Variants in NCAPH observed in about 807,000 individuals in gnomAD.
NCAPH encodes the protein condensin complex subunit 2.
NCAPH carries 38 observed loss-of-function variants against 85.5 expected under a neutral mutation model. That is an observed-to-expected ratio of 0.44 (90% CI 0.34 to 0.58). NCAPH has a LOEUF of 0.58. NCAPH is among the 20% of genes least tolerant of loss of function. NCAPH has a pLI of 0.01. For synonymous variants in NCAPH, 301 were observed against 335.1 expected (o/e 0.90, Z 1.11); for missense variants, 789 against 916.6 (o/e 0.86, Z 1.80).
At position 96,361,782 on chromosome 2, in the gene NCAPH, ACACATATATATGTATATATATGTG is replaced by A. The variant is rs1558800214; in HGVS notation, c.1587+1073_1587+1096del. On this transcript the variant is annotated intron_variant, in intron 12 of 17. Transcript: ENST00000240423. ...TATATATATATACATATATATATAT[ACACATATATATGTATATATATGTG>A]TATATATATATATATATATATATTT... Among the ~76,000 whole-genome samples the A allele has an allele frequency of 4.1e-4, 54 of 131,056 alleles. No individual in the cohort carries two copies. In the South Asian group the frequency reaches 5.4e-3, roughly 13 times the overall value. The allele number at this position is 131,056 out of a possible 152,430, so 86.0% of individuals were successfully genotyped here.
At chr2:96,369,659 G>A (rs1234738653) in intron 17 of NCAPH, 159 bp downstream of exon 17, 1 of 261,096 alleles carries the variant, frequency 3.8e-6, no homozygotes, top group African/African-American at 2.3e-5. Context: ...GCATCTAGAA[G>A]TAACTTAGGA....
In NCAPH at chr2:96,357,675, T is replaced by C. The variant is rs980846803; in HGVS notation, c.1209-1370T>C. ...TAGGCCATACAGACTAGAAATGTGA[T>C]TTTTTTATTGTGTATTTTATTTTTT... On this transcript the variant is annotated intron_variant, in intron 9 of 17. Transcript: ENST00000240423. 3.5e-4 allele frequency among the ~76,000 whole-genome samples: 53 copies of C among 152,222 alleles called. 1 individual carries two copies. The highest frequency in any genetic ancestry group is 6.5e-5 in the Admixed American group (1 of 15,282).
At chr2:96,336,702 G>A (rs2064219240) in intron 1 of NCAPH, among the ~76,000 whole-genome samples, 4 of 152,174 alleles carry the variant, frequency 2.6e-5, no homozygotes, top group Admixed American at 2.6e-4. Flanking sequence ...GGCTCTCAGG[G>A]GAGTTATATG....
rs548276002 is a variant in NCAPH, at chr2:96,364,602, G to A, written c.1698+11G>A. 2.3e-5 allele frequency: 36 copies of A among 1,564,350 alleles called. No individual in the cohort carries two copies. In the East Asian group the frequency reaches 4.3e-4, roughly 19 times the overall value. On this transcript the variant is annotated intron_variant, in intron 13 of 17. Transcript: ENST00000240423. ...TGCCCTGGATTACAGGTAAAGGGGG[G>A]AAAGGGGCTCTGTCCTCTCTTCTAA...
intron 15 of NCAPH, among the ~76,000 whole-genome samples, chr2:96,368,647 CTCCGTCTCAAAAAAAA>C (rs2064731167): frequency 7.9e-5 from 12 of 152,010 alleles, no homozygotes; most frequent in Admixed American, 7.9e-4. Flanking sequence ...CAGAGCGAGA[CTCCGTCTCAAAAAAAA>C]AACAAACAAA....
At chr2:96,351,510 A>C (rs984638287) in intron 6 of NCAPH, among the ~76,000 whole-genome samples, 2 of 152,092 alleles carry the variant, frequency 1.3e-5, no homozygotes, top group African/African-American at 4.8e-5. Flanking sequence ...CTCTACTAAA[A>C]ATACAAAAAT....
At chr2:96,335,962 G>A in intron 1 of NCAPH, 114 bp downstream of exon 1, 3 of 1,133,688 alleles carry the variant, frequency 2.6e-6, no homozygotes, top group Non-Finnish European at 2.3e-6. Context: ...CTCAGCTCGG[G>A]TCTTGGCCCT....
chr2:96,354,588 G>T (rs1053712106), intron 9 of NCAPH, among the ~76,000 whole-genome samples, 200 bp downstream of exon 9: 1 of 152,018 alleles, frequency 6.6e-6, no homozygotes, highest in Non-Finnish European at 1.5e-5. Context: ...GCCTCCCAAG[G>T]TGCCAGGATT....
chr2:96,348,537 G>A (rs573023988), intron 6 of NCAPH, among the ~76,000 whole-genome samples: 114 of 152,060 alleles, frequency 7.5e-4, no homozygotes, highest in African/African-American at 2.6e-3. Context: ...CACATCTGAA[G>A]TGGTATTATT....
At chr2:96,347,979 T>G (rs2064383132) in intron 6 of NCAPH, among the ~76,000 whole-genome samples, 1 of 152,094 alleles carries the variant, frequency 6.6e-6, no homozygotes, top group Admixed American at 6.5e-5. Context: ...GTTGTATTTT[T>G]TCCTTATGTG....
In NCAPH at chr2:96,373,639, A is replaced by G. The variant is rs2064801818; in HGVS notation, c.*288A>G. ...TTCTGGATTGAGAAAACCTATATCC[A>G]TTCTTTATATCAATGTATAGTTTTA... On this transcript the variant is annotated 3_prime_UTR_variant, in exon 18 of 18. Transcript: ENST00000240423. 2 of 268,140 alleles carry G rather than the reference A, an allele frequency of 7.5e-6. No homozygotes were observed. Among genetic ancestry groups the G allele is most frequent in the East Asian group, 1.3e-4 (2 of 15,074 alleles). 16.6% of individuals were successfully genotyped at this position (268,140 alleles called of 1,614,324 possible).
chr2:96,348,226 G>A (rs530327249), intron 6 of NCAPH, among the ~76,000 whole-genome samples: 15 of 143,306 alleles, frequency 1.0e-4, no homozygotes, highest in East Asian at 8.1e-4. Context: ...GTCTTGCTCC[G>A]TCGCCCAGGC....
intron 12 of NCAPH, 81 bp downstream of exon 12, chr2:96,360,791 A>C (rs2064596413): frequency 1.9e-6 from 3 of 1,540,398 alleles, no homozygotes; most frequent in Admixed American, 1.8e-5. Flanking sequence ...GCCTTTGAGG[A>C]AAAGGGAGAA....
intron 9 of NCAPH, among the ~76,000 whole-genome samples, chr2:96,358,397 A>G (rs2064552703): frequency 6.6e-6 from 1 of 152,188 alleles, no homozygotes; most frequent in Non-Finnish European, 1.5e-5. Context: ...AAAGACCCCG[A>G]GGCTGGGATT....
At chr2:96,371,358 A>T (rs1018314696) in intron 17 of NCAPH, among the ~76,000 whole-genome samples, 1 of 152,128 alleles carries the variant, frequency 6.6e-6, no homozygotes, top group Non-Finnish European at 1.5e-5. Flanking sequence ...GCTTTCGCTC[A>T]TCAGCCCCAG....
intron 1 of NCAPH, among the ~76,000 whole-genome samples, chr2:96,336,421 C>T (rs913895128): frequency 6.6e-6 from 1 of 152,118 alleles, no homozygotes; most frequent in Non-Finnish European, 1.5e-5. Flanking sequence ...GGGGTGGCTC[C>T]GCCAGGGGTT....
rs1028492435 is a variant in NCAPH at position 96,374,934 on chromosome 2, G to T, written c.*1583G>T. Among the ~76,000 whole-genome samples, 4 of 152,172 alleles carry T rather than the reference G, an allele frequency of 2.6e-5. No individual in the cohort carries two copies. The highest frequency in any genetic ancestry group is 4.4e-5 in the Non-Finnish European group (3 of 68,038). ...AAAACTAGAAAGATTGGGACCAAGT[G>T]CAGTGGCCCACACCTGTAAATCCTA... On this transcript the variant is annotated 3_prime_UTR_variant, in exon 18 of 18. Transcript: ENST00000240423.
At chr2:96,355,635 A>G (rs1558796939) in intron 9 of NCAPH, among the ~76,000 whole-genome samples, 2 of 142,156 alleles carry the variant, frequency 1.4e-5, no homozygotes, top group African/African-American at 2.6e-5. Context: ...TTTTGTTTTT[A>G]TGTTTTTTTG....
chr2:96,360,231 A>G lies in NCAPH; in HGVS notation c.1446A>G (p.Val482=). The change falls in exon 11 of 18, where the codon GTA becomes GTG. Residue 482 remains valine (V), a synonymous_variant. Coordinates refer to ENST00000240423, the MANE Select transcript of NCAPH (RefSeq NM_015341.5). ...TTGAAGATGATATTGACTTTGATGT[A>G]TATTTTAGAAAAACAAAGGTTTGTA... ...IDFEDDIDFD[V]YFRKTKAATI... is the part of the protein sequence containing the mutation. 6.6e-7 allele frequency: 1 copy of G among 1,510,994 alleles called. No homozygotes were observed. The allele number at this position is 1,510,994 out of a possible 1,614,324, so 93.6% of individuals were successfully genotyped here.
Sources: gnomAD v4.1 joint callset for allele counts (sites outside exome capture counted in the v4.1 genomes callset) on GRCh38, gnomAD v4.1.1 for gene constraint, MANE v1.5 for transcripts, NCBI Gene and HGNC (gene_info 2026-07-23, HGNC 2026-07-21) for gene names.